TMEFF1: variants seen among roughly 807,000 people sequenced by gnomAD.
The protein encoded by TMEFF1 is tomoregulin-1.
In TMEFF1, 20 loss-of-function variants were observed where a neutral mutation model predicts 47.5. The ratio of observed to expected loss-of-function variants is 0.42; its 90% CI spans 0.30 to 0.61. The LOEUF (loss-of-function observed/expected upper bound fraction) is 0.61, where lower values mean the gene tolerates loss of function less well. Among genes scored for constraint, TMEFF1 ranks in the 20% least tolerant of loss-of-function variants. The pLI is 0.19. For missense variants in TMEFF1, 411 were observed against 471.1 expected (o/e 0.87, Z 1.18); for synonymous variants, 162 against 166.3 (o/e 0.97, Z 0.20).
chr9:100,545,445 G>A (rs1838715584), intron 5 of TMEFF1, among the ~76,000 whole-genome samples: 1 of 152,190 alleles, frequency 6.6e-6, no homozygotes, highest in Non-Finnish European at 1.5e-5. Flanking sequence ...TGGAGCAGCT[G>A]AGATGCAGGG....
intron 9 of TMEFF1, among the ~76,000 whole-genome samples, chr9:100,575,155 C>T (rs932578914): frequency 3.9e-5 from 6 of 152,152 alleles, no homozygotes; most frequent in Admixed American, 6.5e-5. Context: ...TTAAGTATCT[C>T]TCCCACACAG....
intron 5 of TMEFF1, among the ~76,000 whole-genome samples, chr9:100,524,862 G>C (rs1316817429): frequency 6.6e-6 from 1 of 152,076 alleles, no homozygotes; most frequent in Non-Finnish European, 1.5e-5. Flanking sequence ...ATTTACATTA[G>C]GTATTTCTCC....
At chr9:100,547,362 G>A (rs1415920496) in intron 5 of TMEFF1, among the ~76,000 whole-genome samples, 3 of 152,132 alleles carry the variant, frequency 2.0e-5, no homozygotes, top group African/African-American at 4.8e-5. Flanking sequence ...AGACTTAGAG[G>A]AAGAATTTGG....
At chr9:100,516,622 T>G in intron 4 of TMEFF1, 53 bp from the exon 5 acceptor site, 1 of 1,592,640 alleles carries the variant, frequency 6.3e-7, no homozygotes, top group Non-Finnish European at 8.5e-7. Flanking sequence ...ATGAAGCATA[T>G]CTGGAAAGGA....
At chr9:100,540,508 C>T (rs1267048933) in intron 5 of TMEFF1, among the ~76,000 whole-genome samples, 3 of 152,216 alleles carry the variant, frequency 2.0e-5, no homozygotes, top group East Asian at 1.9e-4. Flanking sequence ...GTGCCTCCCC[C>T]TCCCCACCTC....
chr9:100,500,807 T>C (rs1837742501), intron 2 of TMEFF1, among the ~76,000 whole-genome samples: 3 of 152,230 alleles, frequency 2.0e-5, no homozygotes, highest in Admixed American at 2.0e-4. Flanking sequence ...TCATATGTTT[T>C]AGAGTGTGTG....
chr9:100,541,591 C>G (rs983860352), intron 5 of TMEFF1, among the ~76,000 whole-genome samples: 4 of 151,976 alleles, frequency 2.6e-5, no homozygotes, highest in Middle Eastern at 6.8e-3. Flanking sequence ...CCAGGTGGGT[C>G]TCAAACTCCT....
intron 4 of TMEFF1, among the ~76,000 whole-genome samples, chr9:100,516,115 A>G (rs1285794260): frequency 6.6e-6 from 1 of 152,182 alleles, no homozygotes; most frequent in East Asian, 1.9e-4. Context: ...GACCAAGTAG[A>G]AAAAGAAGAA....
chr9:100,543,748 A>C (rs1027353296), intron 5 of TMEFF1, among the ~76,000 whole-genome samples: 6 of 122,356 alleles, frequency 4.9e-5, no homozygotes, highest in South Asian at 5.5e-4. Context: ...CACACACACA[A>C]ATCTCATAAT....
chr9:100,546,847 AGTAATCTT>A (rs1838741654), intron 5 of TMEFF1, among the ~76,000 whole-genome samples: 1 of 151,986 alleles, frequency 6.6e-6, no homozygotes, highest in Admixed American at 6.6e-5. Context: ...TCTTGAGGGG[AGTAATCTT>A]GCTTTGGACT....
chr9:100,546,714 C>T (rs10989150), intron 5 of TMEFF1, among the ~76,000 whole-genome samples: 6,711 of 152,212 alleles, frequency 0.044, 336 homozygotes, highest in South Asian at 0.22. Flanking sequence ...AATGTTTGTC[C>T]AGTGTTTTTT....
chr9:100,542,088 CCTTTTT>C (rs1201119609), intron 5 of TMEFF1, among the ~76,000 whole-genome samples: 10 of 151,356 alleles, frequency 6.6e-5, no homozygotes, highest in Non-Finnish European at 1.5e-4. Flanking sequence ...TCTTGCTTTT[CCTTTTT>C]CTTTTTCCTT....
chr9:100,525,072 A>C (rs1355233103), intron 5 of TMEFF1, among the ~76,000 whole-genome samples: 2 of 152,166 alleles, frequency 1.3e-5, no homozygotes, highest in Admixed American at 1.3e-4. Flanking sequence ...ACAGCTGTCT[A>C]TAGAGTTAAA....
intron 1 of TMEFF1, among the ~76,000 whole-genome samples, chr9:100,483,410 T>G (rs1837377770): frequency 6.6e-6 from 1 of 152,074 alleles, no homozygotes; most frequent in South Asian, 2.1e-4. Context: ...GGCAGGAGAA[T>G]CGCTTGAACC....
intron 5 of TMEFF1, among the ~76,000 whole-genome samples, chr9:100,531,903 A>G (rs940498907): frequency 1.3e-5 from 2 of 150,658 alleles, no homozygotes; most frequent in African/African-American, 4.8e-5. Context: ...ATATAGATCA[A>G]TGGAACAGAA....
At chr9:100,536,419 G>T (rs895461427) in intron 5 of TMEFF1, among the ~76,000 whole-genome samples, 9 of 152,104 alleles carry the variant, frequency 5.9e-5, no homozygotes, top group Non-Finnish European at 1.3e-4. Flanking sequence ...AAAAAACGAA[G>T]AGAAATATGG....
chr9:100,574,840 T>C (rs1487144570), intron 9 of TMEFF1, among the ~76,000 whole-genome samples: 1 of 152,140 alleles, frequency 6.6e-6, no homozygotes, highest in African/African-American at 2.4e-5. Flanking sequence ...ACTCTTTCAG[T>C]GCTATAATGC....
intron 4 of TMEFF1, among the ~76,000 whole-genome samples, chr9:100,515,322 C>T (rs1838046290): frequency 6.6e-6 from 1 of 151,886 alleles, no homozygotes; most frequent in South Asian, 2.1e-4. Flanking sequence ...GTTTTGGGGC[C>T]TCAGAATTAC....
chr9:100,527,545 C>T (rs530723904), intron 5 of TMEFF1, among the ~76,000 whole-genome samples: 27 of 152,328 alleles, frequency 1.8e-4, no homozygotes, highest in South Asian at 1.7e-3. Context: ...GCTTAAAAAA[C>T]GGCACACCAC....
Sources: gnomAD v4.1 joint callset for allele counts (sites outside exome capture counted in the v4.1 genomes callset) on GRCh38, gnomAD v4.1.1 for gene constraint, MANE v1.5 for transcripts, NCBI Gene and HGNC (gene_info 2026-07-23, HGNC 2026-07-21) for gene names.